Variants in CD180 observed in about 807,000 individuals in gnomAD.
The protein encoded by CD180 is CD180 molecule.
In CD180, 11 loss-of-function variants were observed where a neutral mutation model predicts 10.7. The observed-to-expected ratio is 1.03, with a 90% CI of 0.65 to 1.70. CD180 has a LOEUF of 1.70. Ranked by LOEUF, CD180 falls within the 40% of genes most tolerant of loss-of-function variation. CD180 has a pLI of 0.00. For synonymous variants in CD180, 286 were observed against 294.6 expected (o/e 0.97, Z 0.30); for missense variants, 729 against 775.2 (o/e 0.94, Z 0.71).
At chr5:67,192,532 G>A (rs915204517) in intron 1 of CD180, among the ~76,000 whole-genome samples, 1 of 152,152 alleles carries the variant, frequency 6.6e-6, no homozygotes, top group Admixed American at 6.5e-5. Context: ...GACTTGAGAC[G>A]CTTACAATCA....
chr5:67,182,806 A>C lies in CD180; in HGVS notation c.*51T>G. ...CCAGCAGATGACAGTTCTTTCACTT[A>C]GAGCAATTTTGCTAAGCACACTTAT... On this transcript the variant is annotated 3_prime_UTR_variant, in exon 3 of 3. Coordinates refer to ENST00000256447, the MANE Select transcript of CD180 (RefSeq NM_005582.3). 2.0e-6 allele frequency: 3 copies of C among 1,469,464 alleles called. No individual in the cohort carries two copies. The African/African-American group carries it at 4.2e-5, about 21-fold the overall frequency. The allele number at this position is 1,469,464 out of a possible 1,614,324, so 91.0% of individuals were successfully genotyped here. A position where few individuals can be genotyped will look rare whatever the true frequency, so the allele number is the denominator to read the frequency against.
Position 67,183,321 on chromosome 5 carries a change from GACC to G in CD180, c.1519_1521del (p.Gly507del). ...AATGCTTGCTGGTCTATAGAGAGGA[GACC>G]ACAAGAGGACAAAATCAGAACCTCC... On this transcript the variant is annotated inframe_deletion, in exon 3 of 3. Transcript: ENST00000256447. 5 of 1,614,158 alleles carry G rather than the reference GACC, an allele frequency of 3.1e-6. No homozygotes were observed. Among genetic ancestry groups the G allele is most frequent in the Non-Finnish European group, 3.4e-6 (4 of 1,180,038 alleles).
intron 1 of CD180, among the ~76,000 whole-genome samples, chr5:67,195,806 C>G (rs1032407144): frequency 2.6e-5 from 4 of 152,224 alleles, no homozygotes; most frequent in African/African-American, 9.6e-5. Flanking sequence ...CTCACCAAGC[C>G]ACCAAGACTC....
chr5:67,192,696 C>A (rs896894741), intron 1 of CD180, among the ~76,000 whole-genome samples: 3 of 152,052 alleles, frequency 2.0e-5, no homozygotes, highest in African/African-American at 7.2e-5. Context: ...GAGCTGCCCC[C>A]ACACGCCTCC....
rs1163745262 is a variant in CD180 at position 67,183,862 on chromosome 5, A to T, written c.981T>A (p.Val327=). ...MKGLNLLKKL[V]LSVNHFDQLC... ...ATTGATCGAAATGATTTACACTGAGAACTAATTTCTTGAGCAAGTTCAGAC... is the reference window on the plus strand; with the variant it reads ...ATTGATCGAAATGATTTACACTGAGTACTAATTTCTTGAGCAAGTTCAGAC... Residue 327 remains valine (V), a synonymous_variant, in exon 3 of 3, where the codon GTT becomes GTA. Coordinates refer to ENST00000256447, the MANE Select transcript of CD180 (RefSeq NM_005582.3). 1 of 1,614,042 alleles carries T rather than the reference A, an allele frequency of 6.2e-7. No individual in the cohort carries two copies. Among genetic ancestry groups the T allele is most frequent in the Non-Finnish European group, 8.5e-7 (1 of 1,180,046 alleles).
chr5:67,195,090 A>G (rs1742374602), intron 1 of CD180, among the ~76,000 whole-genome samples: 1 of 152,090 alleles, frequency 6.6e-6, no homozygotes, highest in Non-Finnish European at 1.5e-5. Flanking sequence ...GAAGCAGCAA[A>G]CTCTGCCAAC....
chr5:67,186,848 CTGTGTGTG>C (rs56004314), intron 1 of CD180, among the ~76,000 whole-genome samples: 5 of 146,714 alleles, frequency 3.4e-5, no homozygotes, highest in Non-Finnish European at 7.5e-5. Context: ...TTTGTTCTAT[CTGTGTGTG>C]TGTGTGTGTG....
rs1293966708 is a variant in CD180, at chr5:67,196,713, C to T, written c.-72G>A. ...GAAATGGAATCAAACTGTGAAGGCC[C>T]TGGCAATTTGGCAGCCAGAGAGGTA... On this transcript the variant is annotated 5_prime_UTR_variant, in exon 1 of 3. Transcript: ENST00000256447. 5.6e-6 allele frequency: 9 copies of T among 1,598,310 alleles called. No homozygotes were observed. In the East Asian group the frequency reaches 1.6e-4, roughly 28 times the overall value.
intron 1 of CD180, among the ~76,000 whole-genome samples, chr5:67,188,039 G>A (rs1292036878): frequency 6.6e-6 from 1 of 152,040 alleles, no homozygotes; most frequent in Admixed American, 6.6e-5. Context: ...GCGTGGTTGC[G>A]CATGCCTGTA....
At chr5:67,186,448 G>A (rs1049259204) in intron 1 of CD180, among the ~76,000 whole-genome samples, 15 of 152,132 alleles carry the variant, frequency 9.9e-5, no homozygotes, top group African/African-American at 3.6e-4. Context: ...AAAGGTGTGT[G>A]TGAATTTTCT....
At chr5:67,191,524 T>G (rs966432748) in intron 1 of CD180, among the ~76,000 whole-genome samples, 3 of 152,202 alleles carry the variant, frequency 2.0e-5, no homozygotes, top group Admixed American at 1.3e-4. Flanking sequence ...ATCACAGTTT[T>G]GAGGGAAAAG....
Position 67,184,344 on chromosome 5 carries a change from G to T in CD180, c.499C>A (p.Pro167Thr), listed in dbSNP as rs1421561368. The T allele has an allele frequency of 3.1e-6, 5 of 1,614,148 alleles. No homozygotes were observed. Among genetic ancestry groups the T allele is most frequent in the Non-Finnish European group, 4.2e-6 (5 of 1,180,026 alleles). Reference sequence around the variant, plus strand: ...AGATTCCGTGCTGGGAAGTCTTTGGGGAACTTAATGGAGGAAATATGGTTG... The same window carrying T: ...AGATTCCGTGCTGGGAAGTCTTTGGTGAACTTAATGGAGGAAATATGGTTG... ...GSNHISSIKF[P>T]KDFPARNLKV... is the part of the protein sequence containing the mutation. Residue 167 changes from proline to threonine, a missense_variant, in exon 3 of 3, where the codon CCC becomes ACC. Physicochemically the swap from Pro to Thr is conservative, Grantham distance 38. Transcript: ENST00000256447.
At chr5:67,188,966 C>T (rs1030057520) in intron 1 of CD180, among the ~76,000 whole-genome samples, 1 of 152,182 alleles carries the variant, frequency 6.6e-6, no homozygotes, top group African/African-American at 2.4e-5. Flanking sequence ...GAAAAAACCA[C>T]GTGTTGCCAG....
rs1229222698 is a variant in CD180 at position 67,196,735 on chromosome 5, G to A, written c.-94C>T. ...GCCCTGGCAATTTGGCAGCCAGAGA[G>A]GTACTCAGAAGGGTGATCTTGGAAC... On this transcript the variant is annotated 5_prime_UTR_variant, in exon 1 of 3. Coordinates refer to ENST00000256447, the MANE Select transcript of CD180 (RefSeq NM_005582.3). 3 of 1,558,076 alleles carry A rather than the reference G, an allele frequency of 1.9e-6. No homozygotes were observed. In the African/African-American group the frequency reaches 4.1e-5, roughly 21 times the overall value.
chr5:67,183,131 G>T lies in CD180; in HGVS notation c.1712C>A (p.Thr571Asn). Reference protein sequence around the residue: ...RLLPILSQQSTINLSHNPLDC... With the variant: ...RLLPILSQQSNINLSHNPLDC... ...CAGGGGGTTATGACTTAAATTAATG[G>T]TGCTCTGCTGGGACAAGATAGGGAG... is the stretch of plus-strand genomic sequence containing the variant. Residue 571 changes from threonine to asparagine, a missense_variant, in exon 3 of 3, where the codon ACC becomes AAC. Transcript: ENST00000256447. The T allele has an allele frequency of 6.2e-7, 1 of 1,610,370 alleles. No homozygotes were observed. The highest frequency in any genetic ancestry group is 8.5e-7 in the Non-Finnish European group (1 of 1,177,512).
chr5:67,196,647 G>A lies in CD180; in HGVS notation c.-6C>T. 1 of 1,613,818 alleles carries A rather than the reference G, an allele frequency of 6.2e-7. No individual in the cohort carries two copies. The highest frequency in any genetic ancestry group is 8.5e-7 in the Non-Finnish European group (1 of 1,179,872). On this transcript the variant is annotated 5_prime_UTR_variant, in exon 1 of 3. Coordinates refer to ENST00000256447, the MANE Select transcript of CD180 (RefSeq NM_005582.3). ...CAGCTGACGTCAAACGCCATCACAG[G>A]CTAGGATTGCTTGGTGGGTTTACCT...
chr5:67,190,366 A>C (rs994855587), intron 1 of CD180, among the ~76,000 whole-genome samples: 1 of 152,242 alleles, frequency 6.6e-6, no homozygotes, highest in Non-Finnish European at 1.5e-5. Flanking sequence ...GGGCCCCAGC[A>C]GACAGCATGG....
chr5:67,185,844 T>C lies in CD180; in HGVS notation c.257+7A>G, dbSNP rs1484930239. On this transcript the variant is annotated splice_region_variant and intron_variant, in intron 2 of 2. Transcript: ENST00000256447. Reference sequence around the variant, plus strand: ...TAAAAGAGCACACAAATAACTCAGATACATACCTAGTTAAATCCAAAAAGG... The same window carrying C: ...TAAAAGAGCACACAAATAACTCAGACACATACCTAGTTAAATCCAAAAAGG... 6.3e-6 allele frequency: 10 copies of C among 1,580,806 alleles called. No individual in the cohort carries two copies. The highest frequency in any genetic ancestry group is 7.7e-6 in the Non-Finnish European group (9 of 1,162,996).
Position 67,182,905 on chromosome 5 carries a change from T to C in CD180, c.1938A>G (p.Leu646=). 6.2e-7 allele frequency: 1 copy of C among 1,612,870 alleles called. No homozygotes were observed. The highest frequency in any genetic ancestry group is 8.5e-7 in the Non-Finnish European group (1 of 1,179,502). ...TGAGAAGGTATTTAACTGCAAAAAATAGCAGAATAGCCAACAATAATAGAA... is the reference window on the plus strand; with the variant it reads ...TGAGAAGGTATTTAACTGCAAAAAACAGCAGAATAGCCAACAATAATAGAA... The part of the protein sequence containing the change: ...IVFLLLLAIL[L]FFAVKYLLRW... The change falls in exon 3 of 3, where the codon CTA becomes CTG. Residue 646 remains leucine (L), a synonymous_variant. Transcript: ENST00000256447.
Sources: allele counts gnomAD v4.1 joint callset (sites outside exome capture counted in the v4.1 genomes callset), GRCh38; gene constraint gnomAD v4.1.1; transcripts MANE v1.5; gene names NCBI Gene and HGNC (gene_info 2026-07-23, HGNC 2026-07-21).